The following CAPZA1 variants were observed in gnomAD, a reference collection of about 807,000 sequenced individuals.
CAPZA1 encodes capping actin protein of muscle Z-line subunit alpha 1.
Under a neutral mutation model 40.8 loss-of-function variants are expected in CAPZA1, and 10 were observed. The ratio of observed to expected loss-of-function variants is 0.25; its 90% CI spans 0.15 to 0.42. The LOEUF is 0.42. CAPZA1 is among the 10% of genes least tolerant of loss of function. The pLI, the probability that CAPZA1 is intolerant of heterozygous loss-of-function variation, is 1.00. For missense variants in CAPZA1, 277 were observed against 353.8 expected (o/e 0.78, Z 1.74); for synonymous variants, 98 against 115.0 (o/e 0.85, Z 0.95).
chr1:112,631,948 C>T (rs746675723), intron 1 of CAPZA1, among the ~76,000 whole-genome samples: 8 of 152,110 alleles, frequency 5.3e-5, no homozygotes, highest in Non-Finnish European at 1.0e-4. Context: ...GTATGAAATA[C>T]AATGACTCTT....
intron 1 of CAPZA1, among the ~76,000 whole-genome samples, chr1:112,625,141 A>G (rs1156398745): frequency 6.6e-6 from 1 of 152,130 alleles, no homozygotes; most frequent in African/African-American, 2.4e-5. Context: ...ATTCAAGAGT[A>G]TGTCCACAGT....
At chr1:112,664,687 G>C (rs1671689089) in intron 7 of CAPZA1, among the ~76,000 whole-genome samples, 1 of 152,040 alleles carries the variant, frequency 6.6e-6, no homozygotes, top group Non-Finnish European at 1.5e-5. Context: ...TGTAATCCCA[G>C]TACTTTTGGG....
intron 1 of CAPZA1, among the ~76,000 whole-genome samples, chr1:112,624,022 AAAAAAGAAAAG>A (rs1419308496): frequency 2.8e-5 from 4 of 140,752 alleles, no homozygotes; most frequent in Non-Finnish European, 6.2e-5. Context: ...AAAAAAAAAG[AAAAAAGAAAAG>A]AAAAAGAAAT....
At chr1:112,641,420 A>G (rs1277782588) in intron 1 of CAPZA1, among the ~76,000 whole-genome samples, 4 of 152,198 alleles carry the variant, frequency 2.6e-5, no homozygotes. Flanking sequence ...CTAAAAGACC[A>G]GGAAAGAAGT....
In CAPZA1 at chr1:112,640,395, C is replaced by T. The variant is rs1671126314; in HGVS notation, c.40-6815C>T. 7.3e-5 allele frequency among the ~76,000 whole-genome samples: 9 copies of T among 123,432 alleles called. No homozygotes were observed. The South Asian group carries it at 2.3e-3, about 31-fold the overall frequency. 81.0% of individuals were successfully genotyped at this position (123,432 alleles called of 152,430 possible). On this transcript the variant is annotated intron_variant, in intron 1 of 9. Transcript: ENST00000263168. ...GAGCCCCCCACCCGGCCAGCCGCCC[C>T]GTCCGGGAGGTGAGGGGCGCCTCTG... is the stretch of plus-strand genomic sequence containing the variant.
chr1:112,652,460 C>G (rs886385527), intron 3 of CAPZA1, among the ~76,000 whole-genome samples: 4 of 113,560 alleles, frequency 3.5e-5, no homozygotes, highest in African/African-American at 1.3e-4. Context: ...GCCTGGGCAA[C>G]AAGAGCTAAA....
In CAPZA1 at chr1:112,670,455, T is replaced by TAAA; in HGVS notation, c.*323_*324insAAA. On this transcript the variant is annotated 3_prime_UTR_variant, in exon 10 of 10. Coordinates refer to ENST00000263168, the MANE Select transcript of CAPZA1 (RefSeq NM_006135.3). ...TGACATTTTACTGTTTAAAAAAGTT[T>TAAA]CCTAGCCATGAAGCCCTGCTACTGA... 1 of 229,622 alleles carries TAAA rather than the reference T, an allele frequency of 4.4e-6. No homozygotes were observed. The highest frequency in any genetic ancestry group is 8.5e-6 in the Non-Finnish European group (1 of 117,562). 14.2% of individuals were successfully genotyped at this position (229,622 alleles called of 1,614,324 possible). A position where few individuals can be genotyped will look rare whatever the true frequency, so the allele number is the denominator to read the frequency against.
At chr1:112,640,159 C>T (rs1671117572) in intron 1 of CAPZA1, among the ~76,000 whole-genome samples, 2 of 119,958 alleles carry the variant, frequency 1.7e-5, no homozygotes, top group Admixed American at 7.8e-5. Flanking sequence ...GCCCCCCACC[C>T]GGCCAGCCGC....
chr1:112,644,470 G>A lies in CAPZA1; in HGVS notation c.40-2740G>A, dbSNP rs115352914. Among the ~76,000 whole-genome samples the A allele has an allele frequency of 2.7e-3, 404 of 152,098 alleles. 3 individuals are homozygous for A. The highest frequency in any genetic ancestry group is 9.2e-3 in the African/African-American group (383 of 41,498). On this transcript the variant is annotated intron_variant, in intron 1 of 9. Coordinates refer to ENST00000263168, the MANE Select transcript of CAPZA1 (RefSeq NM_006135.3). The stretch of plus-strand genomic sequence containing the variant: ...CCTCCCAAAGTGCTGGGATTTTACA[G>A]TCATGAGCCACTGCACCTGGCCCCA...
At chr1:112,639,818 G>A (rs1436780563) in intron 1 of CAPZA1, among the ~76,000 whole-genome samples, 1 of 150,504 alleles carries the variant, frequency 6.6e-6, no homozygotes, top group African/African-American at 2.4e-5. Context: ...CTACTGGGAA[G>A]TGAGGAGCCC....
At chr1:112,661,616 G>A (rs1209501175) in intron 7 of CAPZA1, among the ~76,000 whole-genome samples, 2 of 152,188 alleles carry the variant, frequency 1.3e-5, no homozygotes, top group South Asian at 2.1e-4. Flanking sequence ...TAGATCTCTT[G>A]TAACTGTGGC....
chr1:112,655,470 C>G (rs181566369), intron 5 of CAPZA1, among the ~76,000 whole-genome samples: 22 of 146,704 alleles, frequency 1.5e-4, no homozygotes, highest in Admixed American at 4.3e-4. Context: ...GAGTGAGACA[C>G]TGTCTCAAAA....
In CAPZA1 at chr1:112,670,362, C is replaced by CTTTTT. The variant is rs58051216; in HGVS notation, c.*245_*249dup. ...TATATCTACGTGTAAATCTTTTTTTCTTTTTTTTTTTTTTTTTTTGGTTAA... is the reference window on the plus strand; with the variant it reads ...TATATCTACGTGTAAATCTTTTTTTCTTTTTTTTTTTTTTTTTTTTTTTTGGTTAA... On this transcript the variant is annotated 3_prime_UTR_variant, in exon 10 of 10. Coordinates refer to ENST00000263168, the MANE Select transcript of CAPZA1 (RefSeq NM_006135.3). 861 of 150,072 alleles carry CTTTTT rather than the reference C, an allele frequency of 5.7e-3. 4 individuals carry two copies. Among genetic ancestry groups the CTTTTT allele is most frequent in the South Asian group, 9.4e-3 (91 of 9,682 alleles). 9.3% of individuals were successfully genotyped at this position (150,072 alleles called of 1,614,324 possible).
At chr1:112,642,292 C>A (rs757012488) in intron 1 of CAPZA1, among the ~76,000 whole-genome samples, 38 of 144,816 alleles carry the variant, frequency 2.6e-4, no homozygotes, top group Admixed American at 1.4e-4. Flanking sequence ...TGACTCACTG[C>A]AACCTCTGGT....
intron 8 of CAPZA1, 53 bp from the exon 9 acceptor site, chr1:112,669,489 CT>C: frequency 8.2e-7 from 1 of 1,213,752 alleles, no homozygotes; most frequent in Non-Finnish European, 1.2e-6. Flanking sequence ...CAGGATCTTA[CT>C]GCTTACACAT....
intron 8 of CAPZA1, among the ~76,000 whole-genome samples, chr1:112,668,393 CAAAA>C (rs1051345453): frequency 6.6e-6 from 1 of 152,090 alleles, no homozygotes; most frequent in Non-Finnish European, 1.5e-5. Flanking sequence ...TTTTCCAAAT[CAAAA>C]GAAAAAAATA....
chr1:112,621,876 C>T (rs966373908), intron 1 of CAPZA1, among the ~76,000 whole-genome samples: 1 of 151,392 alleles, frequency 6.6e-6, no homozygotes, highest in Non-Finnish European at 1.5e-5. Context: ...ATTCTCCTGC[C>T]TCAGCCTCTC....
rs202216073 is a variant in CAPZA1, at chr1:112,647,271, A to G, written c.101A>G (p.Asn34Ser). 4.9e-5 allele frequency: 72 copies of G among 1,484,060 alleles called. No homozygotes were observed. The South Asian group carries it at 8.1e-4, about 17-fold the overall frequency. 91.9% of individuals were successfully genotyped at this position (1,484,060 alleles called of 1,614,324 possible). The change falls in exon 2 of 10, where the codon AAT (asparagine) becomes AGT (serine). Residue 34 changes from asparagine (N) to serine (S), a missense_variant and splice_region_variant. Transcript: ENST00000263168. ...APPGEFNEVF[N>S]DVRLLLNNDN... is the part of the protein sequence containing the mutation. ...CCAGGGGAATTTAATGAAGTATTCA[A>G]TGGTGAGTAAAGATTAGTATTTTAA...
At chr1:112,652,750 G>T (rs2101170665) in intron 3 of CAPZA1, among the ~76,000 whole-genome samples, 1 of 151,622 alleles carries the variant, frequency 6.6e-6, no homozygotes, top group Admixed American at 6.6e-5. Context: ...TCTGTGAGAA[G>T]ACTGATACTT....
Sources: allele counts gnomAD v4.1 joint callset (sites outside exome capture counted in the v4.1 genomes callset), GRCh38; gene constraint gnomAD v4.1.1; transcripts MANE v1.5; gene names NCBI Gene and HGNC (gene_info 2026-07-23, HGNC 2026-07-21).